PIK3C2A: variants seen among roughly 807,000 people sequenced by gnomAD.
The protein encoded by PIK3C2A is phosphatidylinositol-4-phosphate 3-kinase catalytic subunit type 2 alpha, also known as phosphatidylinositol 4-phosphate 3-kinase C2 domain-containing subunit alpha.
In PIK3C2A, 97 loss-of-function variants were observed where a neutral mutation model predicts 204.5. The observed-to-expected ratio is 0.47, with a 90% confidence interval of 0.40 to 0.56. PIK3C2A has a LOEUF of 0.56. Ranked by LOEUF, PIK3C2A falls within the 20% of genes least tolerant of loss-of-function variation. PIK3C2A has a pLI of 0.00. For missense variants in PIK3C2A, 1,735 were observed against 1,969.2 expected, an observed-to-expected ratio of 0.88 and a Z score of 2.25; for synonymous variants, 653 against 664.4, an observed-to-expected ratio of 0.98 and a Z score of 0.26.
chr11:17,117,027 C>T (rs1268039741), intron 19 of PIK3C2A, among the ~76,000 whole-genome samples: 1 of 152,192 alleles, frequency 6.6e-6, no homozygotes, highest in East Asian at 1.9e-4. Flanking sequence ...CATGCTAGAA[C>T]ACAGATGAAC....
chr11:17,179,743 G>A (rs965200612), intron 1 of PIK3C2A, among the ~76,000 whole-genome samples: 8 of 151,824 alleles, frequency 5.3e-5, no homozygotes, highest in African/African-American at 1.2e-4. Flanking sequence ...TCAGCCTCCC[G>A]AGTAGCTGAG....
At chr11:17,114,112 T>A (rs549495394) in intron 20 of PIK3C2A, among the ~76,000 whole-genome samples, 2 of 151,140 alleles carry the variant, frequency 1.3e-5, no homozygotes, top group South Asian at 2.1e-4. Flanking sequence ...AATAAATAAA[T>A]AAAAAGGTGA....
intron 25 of PIK3C2A, among the ~76,000 whole-genome samples, chr11:17,100,903 A>G (rs1848605456): frequency 6.6e-6 from 1 of 152,222 alleles, no homozygotes; most frequent in African/African-American, 2.4e-5. Context: ...ACGATAATAT[A>G]TACCCAGGAA....
chr11:17,144,295 GC>G (rs1409888622), intron 8 of PIK3C2A, among the ~76,000 whole-genome samples: 1 of 152,144 alleles, frequency 6.6e-6, no homozygotes, highest in East Asian at 1.9e-4. Flanking sequence ...TAGGTAAGGT[GC>G]TCTTCCTTGA....
At chr11:17,150,697 A>G in intron 3 of PIK3C2A, 42 bp from the exon 4 acceptor site, 3 of 1,477,416 alleles carry the variant, frequency 2.0e-6, no homozygotes, top group Non-Finnish European at 1.8e-6. Flanking sequence ...TTTTAAAAAA[A>G]CTTCATTTGA....
At chr11:17,182,440 G>A (rs769377861) in intron 1 of PIK3C2A, among the ~76,000 whole-genome samples, 2 of 151,910 alleles carry the variant, frequency 1.3e-5, no homozygotes, top group Non-Finnish European at 2.9e-5. Context: ...GGTGGCGCAT[G>A]CCTGTAGTCC....
At chr11:17,115,446 C>G (rs1437222018) in intron 19 of PIK3C2A, among the ~76,000 whole-genome samples, 1 of 145,620 alleles carries the variant, frequency 6.9e-6, no homozygotes, top group Non-Finnish European at 1.5e-5. Flanking sequence ...GAGGCTGAAG[C>G]GAGAAGATCA....
At chr11:17,193,638 G>C (rs1195679147) in intron 1 of PIK3C2A, 5 of 275,544 alleles carry the variant, frequency 1.8e-5, no homozygotes. Context: ...ACGAGGTCAA[G>C]AGATCGAGAC....
chr11:17,202,379 G>T (rs1019707572), intron 1 of PIK3C2A, among the ~76,000 whole-genome samples: 4 of 151,930 alleles, frequency 2.6e-5, no homozygotes, highest in African/African-American at 9.7e-5. Context: ...TTCAAGACCA[G>T]CCTGGACAAT....
At chr11:17,096,679 G>A (rs1848465295) in intron 27 of PIK3C2A, among the ~76,000 whole-genome samples, 1 of 152,170 alleles carries the variant, frequency 6.6e-6, no homozygotes, top group East Asian at 1.9e-4. Flanking sequence ...CAACAAAAAA[G>A]ATAACACTAC....
At chr11:17,114,487 TG>T (rs746870083) in intron 19 of PIK3C2A, 22 bp from the exon 20 acceptor site, 21 of 998,316 alleles carry the variant, frequency 2.1e-5, no homozygotes, top group Non-Finnish European at 2.9e-5. Context: ...GATGTGATAC[TG>T]TAAGTACATA....
chr11:17,122,395 T>C (rs1849394666), intron 14 of PIK3C2A, 62 bp from the exon 15 acceptor site: 1 of 1,016,606 alleles, frequency 9.8e-7, no homozygotes, highest in East Asian at 2.4e-5. Context: ...TTAACCTCTT[T>C]GTCTTTAAGA....
chr11:17,106,816 C>T (rs1417655824), intron 22 of PIK3C2A, among the ~76,000 whole-genome samples: 1 of 152,094 alleles, frequency 6.6e-6, no homozygotes, highest in African/African-American at 2.4e-5. Flanking sequence ...ACACACTGTC[C>T]CACTTCAGCA....
intron 2 of PIK3C2A, among the ~76,000 whole-genome samples, chr11:17,157,239 C>A (rs895460038): frequency 6.6e-6 from 1 of 152,076 alleles, no homozygotes; most frequent in Non-Finnish European, 1.5e-5. Context: ...GCAGGCGGAT[C>A]ACCTGAGGTC....
chr11:17,170,528 A>G (rs1353771349), intron 1 of PIK3C2A, among the ~76,000 whole-genome samples: 1 of 152,226 alleles, frequency 6.6e-6, no homozygotes, highest in Non-Finnish European at 1.5e-5. Context: ...ATCAATAGTT[A>G]TAATACCAAA....
chr11:17,111,919 CTT>C (rs1435916570), intron 21 of PIK3C2A, among the ~76,000 whole-genome samples: 4 of 134,860 alleles, frequency 3.0e-5, no homozygotes, highest in Non-Finnish European at 6.5e-5. Context: ...AAAAAAAAAA[CTT>C]AACACATAAA....
chr11:17,091,298 A>C (rs767099072), intron 32 of PIK3C2A, 36 bp downstream of exon 32: 22 of 1,569,942 alleles, frequency 1.4e-5, no homozygotes, highest in Middle Eastern at 1.7e-4. Flanking sequence ...AAAAAATAAT[A>C]AACCAAGGAA....
At chr11:17,120,564 T>C (rs763970786) in intron 15 of PIK3C2A, among the ~76,000 whole-genome samples, 21 of 151,626 alleles carry the variant, frequency 1.4e-4, no homozygotes, top group Non-Finnish European at 2.8e-4. Context: ...AATGAAAAAA[T>C]TCAAACACTG....
At chr11:17,109,954 T>C (rs976866208) in intron 22 of PIK3C2A, among the ~76,000 whole-genome samples, 6 of 152,182 alleles carry the variant, frequency 3.9e-5, no homozygotes, top group African/African-American at 1.4e-4. Flanking sequence ...TAAAAAAATT[T>C]TTTTTTAATT....
Sources: gnomAD v4.1 joint callset for allele counts (sites outside exome capture counted in the v4.1 genomes callset) on GRCh38, gnomAD v4.1.1 for gene constraint, MANE v1.5 for transcripts, NCBI Gene and HGNC (gene_info 2026-07-23, HGNC 2026-07-21) for gene names.